Variants in NOL10 observed in about 807,000 individuals in gnomAD.
NOL10 encodes the protein nucleolar protein 10.
A neutral mutation model predicts 103.5 loss-of-function variants in NOL10; 58 were observed. The ratio of observed to expected loss-of-function variants is 0.56; its 90% CI spans 0.45 to 0.70. NOL10 has a LOEUF of 0.70. Among genes scored for constraint, NOL10 ranks in the 30% least tolerant of loss-of-function variants. The pLI is 0.00. For missense variants in NOL10, 763 were observed against 807.3 expected (o/e 0.95, Z 0.67); for synonymous variants, 287 against 282.5 (o/e 1.02, Z -0.16).
intron 17 of NOL10, among the ~76,000 whole-genome samples, chr2:10,598,355 C>CA (rs1286092430): frequency 6.6e-6 from 1 of 151,934 alleles, no homozygotes; most frequent in Non-Finnish European, 1.5e-5. Context: ...GTGACATTTA[C>CA]AAAAAAGAAT....
At chr2:10,643,168 C>T (rs1352548156) in intron 13 of NOL10, among the ~76,000 whole-genome samples, 1 of 152,186 alleles carries the variant, frequency 6.6e-6, no homozygotes, top group Non-Finnish European at 1.5e-5. Flanking sequence ...CATTTCACTA[C>T]CAACCAAACG....
intron 19 of NOL10, among the ~76,000 whole-genome samples, chr2:10,578,587 A>G (rs542057440): frequency 4.8e-4 from 73 of 152,296 alleles, no homozygotes; most frequent in African/African-American, 1.7e-3. Context: ...AATTAACACA[A>G]TCCCCCTCTG....
chr2:10,660,852 C>G (rs901467264), intron 9 of NOL10, among the ~76,000 whole-genome samples: 1 of 151,496 alleles, frequency 6.6e-6, no homozygotes, highest in Non-Finnish European at 1.5e-5. Context: ...TCAACACTTA[C>G]ACTTATTGCC....
At chr2:10,601,832 T>A (rs1286780863) in intron 16 of NOL10, among the ~76,000 whole-genome samples, 1 of 152,138 alleles carries the variant, frequency 6.6e-6, no homozygotes, top group Non-Finnish European at 1.5e-5. Context: ...AGAAATCTTT[T>A]AACAGTCTGG....
At chr2:10,642,772 T>C (rs1678793909) in intron 13 of NOL10, among the ~76,000 whole-genome samples, 3 of 152,066 alleles carry the variant, frequency 2.0e-5, no homozygotes, top group Admixed American at 2.0e-4. Flanking sequence ...TCAAAGTCTC[T>C]CCCTCTGGGA....
rs138724210 is a variant in NOL10 at position 10,647,607 on chromosome 2, C to T, written c.974-3235G>A. On this transcript the variant is annotated intron_variant, in intron 12 of 20. Transcript: ENST00000381685. ...CGCAAAAACATATGGCATCAGTCAC[C>T]ACCTTGAACAGCTCAGAGGAGACAG... Among the ~76,000 whole-genome samples the T allele has an allele frequency of 3.0e-3, 451 of 152,294 alleles. 2 individuals carry two copies. Among genetic ancestry groups the T allele is most frequent in the African/African-American group, 9.6e-3 (400 of 41,562 alleles).
intron 18 of NOL10, 48 bp from the exon 19 acceptor site, chr2:10,589,338 C>G: frequency 6.2e-7 from 1 of 1,603,274 alleles, no homozygotes; most frequent in East Asian, 2.2e-5. Flanking sequence ...CAGTCAAACA[C>G]AGACCCCTTG....
In NOL10 at chr2:10,629,945, G is replaced by A. The variant is rs1677728849; in HGVS notation, c.1026+14375C>T. Among the ~76,000 whole-genome samples the A allele has an allele frequency of 2.6e-5, 4 of 152,172 alleles. No individual in the cohort carries two copies. The South Asian group carries it at 8.3e-4, about 32-fold the overall frequency. Reference sequence around the variant, plus strand: ...TAAAACTACAAATGCATACCACCATGCCCAGCTAATTTTTTAAAACATTTT... The same window carrying A: ...TAAAACTACAAATGCATACCACCATACCCAGCTAATTTTTTAAAACATTTT... On this transcript the variant is annotated intron_variant, in intron 13 of 20. Transcript: ENST00000381685.
At chr2:10,591,256 G>A (rs541673785) in intron 17 of NOL10, among the ~76,000 whole-genome samples, 9 of 152,290 alleles carry the variant, frequency 5.9e-5, no homozygotes, top group Non-Finnish European at 1.3e-4. Context: ...TAGTAAGGAA[G>A]AAAAAACACT....
At chr2:10,572,323 C>A in intron 20 of NOL10, 133 bp from the exon 21 acceptor site, 1 of 959,732 alleles carries the variant, frequency 1.0e-6, no homozygotes, top group Non-Finnish European at 1.6e-6. Context: ...CCCACAGGCT[C>A]CAGGGGACAT....
intron 13 of NOL10, among the ~76,000 whole-genome samples, chr2:10,623,861 T>C (rs1677287582): frequency 6.6e-6 from 1 of 152,214 alleles, no homozygotes; most frequent in Admixed American, 6.5e-5. Flanking sequence ...TATAAATCGA[T>C]TAGAATGGCT....
At chr2:10,656,018 C>T (rs1460075758) in intron 11 of NOL10, among the ~76,000 whole-genome samples, 1 of 152,002 alleles carries the variant, frequency 6.6e-6, no homozygotes, top group African/African-American at 2.4e-5. Flanking sequence ...ACAACAATGA[C>T]AAAAAGGTGT....
chr2:10,663,138 G>A (rs969530157), intron 8 of NOL10, 94 bp from the exon 9 acceptor site: 33 of 928,416 alleles, frequency 3.6e-5, no homozygotes, highest in Non-Finnish European at 5.2e-5. Context: ...AGGCCGAGGC[G>A]GGCTGATCAC....
chr2:10,674,242 A>C (rs1216948470), intron 4 of NOL10, among the ~76,000 whole-genome samples: 2 of 151,794 alleles, frequency 1.3e-5, no homozygotes, highest in Non-Finnish European at 2.9e-5. Flanking sequence ...AAAAAAAAAA[A>C]CAACAAAGGG....
intron 13 of NOL10, among the ~76,000 whole-genome samples, chr2:10,624,305 G>A (rs767520099): frequency 2.6e-5 from 4 of 151,854 alleles, no homozygotes; most frequent in East Asian, 1.9e-4. Context: ...GGTTTTCGTC[G>A]TGCCACTACA....
chr2:10,638,295 AACGTAACGTG>A lies in NOL10; in HGVS notation c.1026+6015_1026+6024del, dbSNP rs1311164894. On this transcript the variant is annotated intron_variant, in intron 13 of 20. Coordinates refer to ENST00000381685, the MANE Select transcript of NOL10 (RefSeq NM_024894.4). ...GCAAGACCCTGTCTCATTCAAAAATAACGTAACGTGACGTGACGTGACGTGACGTGACGTG... is the reference window on the plus strand; with the variant it reads ...GCAAGACCCTGTCTCATTCAAAAATAACGTGACGTGACGTGACGTGACGTG... Among the ~76,000 whole-genome samples the A allele has an allele frequency of 2.0e-4, 19 of 97,002 alleles. No homozygotes were observed. In the East Asian group the frequency reaches 5.8e-3, roughly 30 times the overall value. 63.6% of individuals were successfully genotyped at this position (97,002 alleles called of 152,430 possible).
Position 10,571,947 on chromosome 2 carries a change from T to C in NOL10, c.*124A>G, listed in dbSNP as rs1367261145. The C allele has an allele frequency of 6.0e-6, 7 of 1,171,292 alleles. No individual in the cohort carries two copies. The African/African-American group carries it at 9.3e-5, about 15-fold the overall frequency. The allele number at this position is 1,171,292 out of a possible 1,614,324, so 72.6% of individuals were successfully genotyped here. A position where few individuals can be genotyped will look rare whatever the true frequency, so the allele number is the denominator to read the frequency against. On this transcript the variant is annotated 3_prime_UTR_variant, in exon 21 of 21. Transcript: ENST00000381685. Reference sequence around the variant, plus strand: ...GCACAGGTTTTCAAATCTTTACCTCTGTGTACAAGAACGTACATGAACTTT... The same window carrying C: ...GCACAGGTTTTCAAATCTTTACCTCCGTGTACAAGAACGTACATGAACTTT...
In NOL10 at chr2:10,689,814, G is replaced by C. The variant is rs111796607; in HGVS notation, c.48C>G (p.Cys16Trp). ...LNEVKIYSLS[C>W]GKSLPEWLSD... ...GACTCACCTCAGGAAGGGACTTGCC[G>C]CAGCTGAGGCTGTAAATCTTCACCT... The change falls in exon 1 of 21, where the codon TGC (cysteine) becomes TGG (tryptophan). Residue 16 changes from cysteine to tryptophan, a missense_variant. By Grantham distance (215) the Cys-to-Trp change is radical. Transcript: ENST00000381685. The C allele has an allele frequency of 3.1e-6, 5 of 1,606,372 alleles. No individual in the cohort carries two copies. In the African/African-American group the frequency reaches 4.0e-5, roughly 13 times the overall value.
chr2:10,647,351 G>A (rs1679155641), intron 12 of NOL10, among the ~76,000 whole-genome samples: 1 of 152,204 alleles, frequency 6.6e-6, no homozygotes, highest in Admixed American at 6.5e-5. Flanking sequence ...TGTGTCCCCA[G>A]TGACAGACTG....
Sources: allele counts gnomAD v4.1 joint callset (sites outside exome capture counted in the v4.1 genomes callset), GRCh38; gene constraint gnomAD v4.1.1; transcripts MANE v1.5; gene names NCBI Gene and HGNC (gene_info 2026-07-23, HGNC 2026-07-21).